The following GTF2IRD1 variants were observed in gnomAD, a reference collection of about 807,000 sequenced individuals.
The protein encoded by GTF2IRD1 is general transcription factor II-I repeat domain-containing protein 1.
In GTF2IRD1, 26 loss-of-function variants were observed where a neutral mutation model predicts 113.2. The ratio of observed to expected loss-of-function variants is 0.23; its 90% CI spans 0.17 to 0.32. The LOEUF (loss-of-function observed/expected upper bound fraction) is 0.32, where lower values mean the gene tolerates loss of function less well. Ranked by LOEUF, GTF2IRD1 falls within the 10% of genes least tolerant of loss-of-function variation. The pLI is 1.00. For missense variants in GTF2IRD1, 864 were observed against 1,280.8 expected, an observed-to-expected ratio of 0.67 and a Z score of 4.97; for synonymous variants, 484 against 529.1, an observed-to-expected ratio of 0.91 and a Z score of 1.17.
chr7:74,536,382 C>G (rs1798299616), intron 11 of GTF2IRD1, 107 bp downstream of exon 11: 1 of 646,744 alleles, frequency 1.5e-6, no homozygotes, highest in Non-Finnish European at 2.8e-6. Flanking sequence ...ACACCACCAC[C>G]CCTCGAAGGT....
intron 8 of GTF2IRD1, among the ~76,000 whole-genome samples, chr7:74,527,096 G>A (rs1797644385): frequency 6.6e-6 from 1 of 152,186 alleles, no homozygotes; most frequent in African/African-American, 2.4e-5. Flanking sequence ...AGATATGGGA[G>A]CCTGGAGGGA....
intron 22 of GTF2IRD1, among the ~76,000 whole-genome samples, chr7:74,588,015 C>T (rs1158387948): frequency 1.3e-5 from 2 of 152,100 alleles, no homozygotes; most frequent in East Asian, 3.8e-4. Flanking sequence ...GTGCATGGAC[C>T]CCACTAGGCC....
chr7:74,513,189 A>G (rs1454796621), intron 3 of GTF2IRD1, among the ~76,000 whole-genome samples: 1 of 152,264 alleles, frequency 6.6e-6, no homozygotes, highest in Non-Finnish European at 1.5e-5. Flanking sequence ...GGCCAGAGCC[A>G]GCCACTTCCA....
At chr7:74,547,942 C>G (rs2130685275) in intron 17 of GTF2IRD1, among the ~76,000 whole-genome samples, 1 of 152,196 alleles carries the variant, frequency 6.6e-6, no homozygotes, top group African/African-American at 2.4e-5. Context: ...CACGGGTTCT[C>G]CAGGCTGGCG....
chr7:74,531,047 T>C (rs1163117411), intron 9 of GTF2IRD1, among the ~76,000 whole-genome samples: 1 of 151,980 alleles, frequency 6.6e-6, no homozygotes, highest in Non-Finnish European at 1.5e-5. Flanking sequence ...CCAGCCTGGG[T>C]GACAGAGTGA....
intron 22 of GTF2IRD1, among the ~76,000 whole-genome samples, chr7:74,581,696 C>T (rs1801429803): frequency 6.6e-6 from 1 of 152,182 alleles, no homozygotes; most frequent in African/African-American, 2.4e-5. Context: ...ACTCATGACC[C>T]CACCTGCAGC....
intron 26 of GTF2IRD1, chr7:74,602,093 T>C: frequency 3.7e-6 from 1 of 267,810 alleles, no homozygotes; most frequent in Non-Finnish European, 7.0e-6. Flanking sequence ...AATAGAAAAA[T>C]TAGCCGGGCA....
In GTF2IRD1 at chr7:74,484,593, T is replaced by C. The variant is rs563708261; in HGVS notation, c.-6-23482T>C. ...CCTGCCTCAGCCTCCCGAGTAGCTG[T>C]GATTACAGGCACCTGCCACCACAGC... On this transcript the variant is annotated intron_variant, in intron 1 of 26. Transcript: ENST00000424337. Among the ~76,000 whole-genome samples the C allele has an allele frequency of 1.9e-3, 290 of 151,886 alleles. 1 individual carries two copies. The highest frequency in any genetic ancestry group is 3.6e-3 in the Non-Finnish European group (248 of 67,960).
chr7:74,479,863 C>T (rs1174574841), intron 1 of GTF2IRD1, among the ~76,000 whole-genome samples: 1 of 151,082 alleles, frequency 6.6e-6, no homozygotes, highest in African/African-American at 2.4e-5. Context: ...AACAATTCTC[C>T]TGTCTCAGCC....
At chr7:74,532,597 A>G (rs926069129) in intron 9 of GTF2IRD1, among the ~76,000 whole-genome samples, 4 of 152,106 alleles carry the variant, frequency 2.6e-5, no homozygotes, top group Non-Finnish European at 5.9e-5. Context: ...CTGTGTCTCC[A>G]TCACTGGGTG....
At chr7:74,513,254 C>G (rs1796738036) in intron 3 of GTF2IRD1, among the ~76,000 whole-genome samples, 1 of 152,224 alleles carries the variant, frequency 6.6e-6, no homozygotes, top group Non-Finnish European at 1.5e-5. Context: ...AGTTCTTCCT[C>G]TTAACTATGT....
At chr7:74,511,541 A>G (rs1353112877) in intron 2 of GTF2IRD1, among the ~76,000 whole-genome samples, 1 of 152,190 alleles carries the variant, frequency 6.6e-6, no homozygotes, top group Admixed American at 6.5e-5. Flanking sequence ...TTCATCTTAG[A>G]AGAAAATGAA....
Position 74,555,631 on chromosome 7 carries a change from G to A in GTF2IRD1, c.2023+137G>A. Reference sequence around the variant, plus strand: ...CCTAAGGGACCAGGCAAGCCAGGTTGGCAGCCCAGGCCCGGCTGTACCCTG... The same window carrying A: ...CCTAAGGGACCAGGCAAGCCAGGTTAGCAGCCCAGGCCCGGCTGTACCCTG... On this transcript the variant is annotated intron_variant, in intron 19 of 26. Transcript: ENST00000424337. This position sits in a 1 kb window ranked among gnomAD's most constrained non-coding sequence, Gnocchi z 5.3. 1 of 634,942 alleles carries A rather than the reference G, an allele frequency of 1.6e-6. No homozygotes were observed. The highest frequency in any genetic ancestry group is 1.8e-5 in the African/African-American group (1 of 55,296). The allele number at this position is 634,942 out of a possible 1,614,324, so 39.3% of individuals were successfully genotyped here.
At chr7:74,556,746 C>T (rs1554357022) in intron 19 of GTF2IRD1, among the ~76,000 whole-genome samples, 1 of 150,358 alleles carries the variant, frequency 6.7e-6, no homozygotes, top group East Asian at 2.0e-4. Context: ...GCCTCAGCCT[C>T]CCAAGTAGCT....
intron 1 of GTF2IRD1, among the ~76,000 whole-genome samples, chr7:74,472,955 A>C (rs1794194527): frequency 6.6e-6 from 1 of 151,992 alleles, no homozygotes; most frequent in Non-Finnish European, 1.5e-5. Context: ...TTGGGTAGGG[A>C]AGGGAGAGTG....
chr7:74,563,112 C>T (rs781980342), intron 22 of GTF2IRD1, among the ~76,000 whole-genome samples: 57 of 151,886 alleles, frequency 3.8e-4, no homozygotes, highest in Non-Finnish European at 6.5e-4. Context: ...ACTTCCACAC[C>T]GCAGAGAGAC....
At chr7:74,505,424 G>A (rs1796249676) in intron 1 of GTF2IRD1, among the ~76,000 whole-genome samples, 2 of 152,142 alleles carry the variant, frequency 1.3e-5, no homozygotes, top group Non-Finnish European at 2.9e-5. Flanking sequence ...GCTGTGGCTC[G>A]GGACAGGGGG....
intron 1 of GTF2IRD1, among the ~76,000 whole-genome samples, chr7:74,498,500 C>T (rs184496203): frequency 6.6e-6 from 1 of 152,242 alleles, no homozygotes; most frequent in Admixed American, 6.5e-5. Context: ...TCTGTGGAAA[C>T]AACAGGGTAT....
intron 1 of GTF2IRD1, among the ~76,000 whole-genome samples, chr7:74,471,669 A>AT (rs200416663): frequency 1.4e-5 from 1 of 72,494 alleles, no homozygotes; most frequent in Admixed American, 1.9e-4. Flanking sequence ...TTTTTGAAAT[A>AT]TTTAAAAAAA....
Sources: gnomAD v4.1 joint callset for allele counts (sites outside exome capture counted in the v4.1 genomes callset) on GRCh38, gnomAD v4.1.1 for gene constraint, Gnocchi (gnomAD v3.1) non-coding constraint, MANE v1.5 for transcripts, NCBI Gene and HGNC (gene_info 2026-07-23, HGNC 2026-07-21) for gene names.